BET1: variants seen among roughly 807,000 people sequenced by gnomAD.
BET1 encodes the protein BET1 homolog.
Under a neutral mutation model 13.9 loss-of-function variants are expected in BET1, and 9 were observed. The observed-to-expected ratio is 0.65, with a 90% CI of 0.39 to 1.13. The LOEUF is 1.13. BET1 is among the 50% of genes most tolerant of loss of function. The probability of loss-of-function intolerance (pLI) is 0.01; values close to 1 mark genes in which losing one functional copy is unlikely to be tolerated. For synonymous variants in BET1, 39 were observed against 47.3 expected, an observed-to-expected ratio of 0.82 and a Z score of 0.72; for missense variants, 127 against 133.6, an observed-to-expected ratio of 0.95 and a Z score of 0.24.
chr7:93,987,130 T>C (rs1477059943), intron 4 of BET1: 1 of 152,192 alleles, frequency 6.6e-6, no homozygotes. Context: ...TTTTTTGTTT[T>C]TTTAATCTAG....
chr7:93,988,950 AAT>A (rs58468732), downstream of BET1, among the ~76,000 whole-genome samples: 6,246 of 147,758 alleles, frequency 0.042, 275 homozygotes, highest in African/African-American at 0.11. Context: ...TAAACATATA[AAT>A]ATATATATAT....
intron 6 of BET1, among the ~76,000 whole-genome samples, chr7:93,967,291 C>A (rs1795190176): frequency 6.6e-6 from 1 of 151,858 alleles, no homozygotes; most frequent in South Asian, 2.1e-4. Context: ...AGTCTGGTAA[C>A]ACTTTTCTTC....
At chr7:93,990,380 A>G (rs2116098714), downstream of BET1, among the ~76,000 whole-genome samples, 1 of 152,156 alleles carries the variant, frequency 6.6e-6, no homozygotes, top group Non-Finnish European at 1.5e-5. Context: ...AGAAAGCAAT[A>G]ATTATAAATA....
At position 93,983,063 on chromosome 7, in the gene BET1, C is replaced by A. The variant is rs1215073921; in HGVS notation, c.236-6963G>T. On this transcript the variant is annotated intron_variant and NMD_transcript_variant, in intron 4 of 6. Transcript: ENST00000357520. The stretch of plus-strand genomic sequence containing the variant: ...GATCCTGATGCCAAAAAATCAGTAC[C>A]AGAAGACCAGAGGTGGCCCAGGCCA... Among the ~76,000 whole-genome samples, 4 of 152,232 alleles carry A rather than the reference C, an allele frequency of 2.6e-5. 1 individual carries two copies. In the South Asian group the frequency reaches 8.3e-4, roughly 32 times the overall value.
At chr7:93,996,381 TAAAAA>T (rs1336139617) in intron 2 of BET1, 60 bp from the exon 3 acceptor site, 7 of 1,227,872 alleles carry the variant, frequency 5.7e-6, no homozygotes, top group Non-Finnish European at 6.8e-6. Context: ...TGTTATAAAG[TAAAAA>T]TAATGTCATT....
intron 2 of BET1, among the ~76,000 whole-genome samples, chr7:93,996,690 C>A (rs946048092): frequency 3.3e-5 from 5 of 149,540 alleles, no homozygotes; most frequent in Non-Finnish European, 5.9e-5. Flanking sequence ...TTCCTTCTTA[C>A]ATTTTATTTA....
At chr7:93,964,056 A>T (rs1795137434) in exon 7 of BET1, 1 of 151,946 alleles carries the variant, frequency 6.6e-6, no homozygotes, top group African/African-American at 2.4e-5. Flanking sequence ...GCAGGGCGAG[A>T]CTCTATCTCA....
At chr7:93,971,901 T>C (rs1376754547) in intron 6 of BET1, among the ~76,000 whole-genome samples, 1 of 151,458 alleles carries the variant, frequency 6.6e-6, no homozygotes, top group Non-Finnish European at 1.5e-5. Context: ...AAATGCTTTT[T>C]GATATTGTAC....
chr7:93,965,074 G>T (rs1342405712), exon 7 of BET1: 1 of 151,994 alleles, frequency 6.6e-6, no homozygotes, highest in East Asian at 1.9e-4. Flanking sequence ...AACATCCAGT[G>T]AATATAATAA....
At chr7:93,992,327 A>T, downstream of BET1, 1 of 985,308 alleles carries the variant, frequency 1.0e-6, no homozygotes, top group Non-Finnish European at 1.2e-6. Context: ...TATTTTACAA[A>T]GTACTTTCAT....
intron 4 of BET1, chr7:93,976,164 T>C (rs1291384228): frequency 9.3e-7 from 1 of 1,071,474 alleles, no homozygotes; most frequent in African/African-American, 1.6e-5. Context: ...AAACAACATT[T>C]AAAGTAGAAG....
At chr7:93,985,577 CTG>C (rs1215206412) in intron 4 of BET1, among the ~76,000 whole-genome samples, 1 of 152,106 alleles carries the variant, frequency 6.6e-6, no homozygotes, top group East Asian at 1.9e-4. Context: ...TCAAACTAAA[CTG>C]TATTGTAATG....
intron 6 of BET1, among the ~76,000 whole-genome samples, chr7:93,966,012 G>A (rs1219408556): frequency 6.6e-6 from 1 of 151,972 alleles, no homozygotes; most frequent in Admixed American, 6.6e-5. Flanking sequence ...CTCATCTTAT[G>A]ATTAGCAAAA....
At chr7:93,967,395 A>G (rs1795192277) in intron 6 of BET1, among the ~76,000 whole-genome samples, 1 of 151,840 alleles carries the variant, frequency 6.6e-6, no homozygotes, top group African/African-American at 2.4e-5. Context: ...TAACTACCTC[A>G]CTATTGAGAA....
intron 2 of BET1, among the ~76,000 whole-genome samples, chr7:93,998,910 A>G (rs997330907): frequency 2.0e-5 from 3 of 152,118 alleles, no homozygotes; most frequent in Non-Finnish European, 4.4e-5. Flanking sequence ...TGTTTGAGAC[A>G]TTACAGCAGA....
chr7:93,977,349 C>G (rs1410024974), intron 4 of BET1, among the ~76,000 whole-genome samples: 3 of 152,004 alleles, frequency 2.0e-5, no homozygotes, highest in African/African-American at 7.2e-5. Flanking sequence ...TAGTTTTTTG[C>G]CTGCCAGTCT....
chr7:94,004,082 A>C (rs1795973518), intron 1 of BET1, 116 bp downstream of exon 1: 1 of 1,461,042 alleles, frequency 6.8e-7, no homozygotes, highest in South Asian at 1.1e-5. Flanking sequence ...GATCCCCTCT[A>C]GACATCCTGT....
intron 4 of BET1, among the ~76,000 whole-genome samples, chr7:93,983,679 T>A (rs1171706909): frequency 6.6e-6 from 1 of 152,184 alleles, no homozygotes; most frequent in East Asian, 1.9e-4. Context: ...TTTCCTTGAT[T>A]TCAGCCTCAT....
intron 6 of BET1, among the ~76,000 whole-genome samples, chr7:93,966,508 A>AAC (rs1287113468): frequency 2.6e-5 from 4 of 151,726 alleles, no homozygotes; most frequent in Non-Finnish European, 4.4e-5. Context: ...AGGTCATGCC[A>AAC]TTTCCTTTTC....
Sources: gnomAD v4.1 joint callset for allele counts (sites outside exome capture counted in the v4.1 genomes callset) on GRCh38, gnomAD v4.1.1 for gene constraint, MANE v1.5 for transcripts, NCBI Gene and HGNC (gene_info 2026-07-23, HGNC 2026-07-21) for gene names.